Variants in HSPA4 observed in about 807,000 individuals in gnomAD.
The protein encoded by HSPA4 is heat shock protein family A (Hsp70) member 4, also known as heat shock 70 kDa protein 4.
Under a neutral mutation model 106.2 loss-of-function variants are expected in HSPA4, and 25 were observed. The observed-to-expected ratio is 0.24, with a 90% CI of 0.17 to 0.33. The LOEUF (loss-of-function observed/expected upper bound fraction) is 0.33. Ranked by LOEUF, HSPA4 falls within the 10% of genes least tolerant of loss-of-function variation. The probability of loss-of-function intolerance (pLI) is 1.00; values close to 1 mark genes in which losing one functional copy is unlikely to be tolerated. For synonymous variants in HSPA4, 332 were observed against 333.6 expected (o/e 1.00, Z 0.05); for missense variants, 841 against 996.0 (o/e 0.84, Z 2.10).
intron 14 of HSPA4, among the ~76,000 whole-genome samples, chr5:133,096,719 T>C (rs904049574): frequency 2.6e-5 from 4 of 152,198 alleles, no homozygotes; most frequent in African/African-American, 7.2e-5. Context: ...GTGAGCACAT[T>C]TATTGAATTA....
chr5:133,080,262 A>G (rs1765497656), intron 7 of HSPA4, among the ~76,000 whole-genome samples: 2 of 151,816 alleles, frequency 1.3e-5, no homozygotes, highest in Admixed American at 1.3e-4. Context: ...AAAAATACAA[A>G]AAAGTAGCTT....
At position 133,105,976 on chromosome 5, in the gene HSPA4, C is replaced by T. The variant is rs1334436280; in HGVS notation, c.*1540C>T. The T allele has an allele frequency of 6.6e-6, 1 of 151,766 alleles. No individual in the cohort carries two copies. Among genetic ancestry groups the T allele is most frequent in the Non-Finnish European group, 1.5e-5 (1 of 68,008 alleles). 9.4% of individuals were successfully genotyped at this position (151,766 alleles called of 1,614,324 possible). On this transcript the variant is annotated 3_prime_UTR_variant, in exon 19 of 19. Coordinates refer to ENST00000304858, the MANE Select transcript of HSPA4 (RefSeq NM_002154.4). ...CATCCTCTGTTCTCTACCTGTCATG[C>T]TTCAAGAGTTCCAGCTGGCCTGCTG...
At chr5:133,071,284 CAAAAAAAA>C (rs755520266) in intron 4 of HSPA4, among the ~76,000 whole-genome samples, 2 of 62,088 alleles carry the variant, frequency 3.2e-5, no homozygotes, top group Non-Finnish European at 6.2e-5. Flanking sequence ...CTGTCTTTAC[CAAAAAAAA>C]AAAAAAAAAA....
intron 7 of HSPA4, among the ~76,000 whole-genome samples, chr5:133,081,055 C>CTTTT (rs200241697): frequency 6.0e-5 from 9 of 149,296 alleles, no homozygotes; most frequent in African/African-American, 9.8e-5. Flanking sequence ...TTTGCCTGTT[C>CTTTT]TTTTTTTTTT....
At chr5:133,057,778 G>A (rs1765186359) in intron 1 of HSPA4, among the ~76,000 whole-genome samples, 1 of 152,214 alleles carries the variant, frequency 6.6e-6, no homozygotes, top group African/African-American at 2.4e-5. Context: ...CAGTCAAGCA[G>A]CAAATGTGTG....
chr5:133,065,123 T>C (rs912928619), intron 2 of HSPA4, 86 bp downstream of exon 2: 3 of 1,089,582 alleles, frequency 2.8e-6, no homozygotes, highest in African/African-American at 3.1e-5. Context: ...ATTATGTGCC[T>C]AACACTGGTA....
intron 3 of HSPA4, among the ~76,000 whole-genome samples, chr5:133,068,935 A>G (rs913758814): frequency 6.6e-6 from 1 of 152,212 alleles, no homozygotes; most frequent in Non-Finnish European, 1.5e-5. Flanking sequence ...TAATTTAGAA[A>G]GGGCACCAGG....
In HSPA4 at chr5:133,065,958, T is replaced by G. The variant is rs891791284; in HGVS notation, c.165+921T>G. 4.9e-4 allele frequency among the ~76,000 whole-genome samples: 75 copies of G among 152,330 alleles called. 1 individual carries two copies. Among genetic ancestry groups the G allele is most frequent in the African/African-American group, 1.8e-3 (75 of 41,578 alleles). ...TTTTGAATGGGGCAGGGCCTAAAATTTATTAGCCTAAAAAAGTGGTGCTTG... is the reference window on the plus strand; with the variant it reads ...TTTTGAATGGGGCAGGGCCTAAAATGTATTAGCCTAAAAAAGTGGTGCTTG... On this transcript the variant is annotated intron_variant, in intron 2 of 18. Transcript: ENST00000304858.
chr5:133,059,567 C>G (rs749428681), intron 1 of HSPA4, among the ~76,000 whole-genome samples: 3 of 151,358 alleles, frequency 2.0e-5, no homozygotes, highest in Non-Finnish European at 4.4e-5. Flanking sequence ...GAGCAGATAT[C>G]GAGCCACTGC....
chr5:133,088,620 T>C, intron 9 of HSPA4, 65 bp downstream of exon 9: 1 of 1,392,322 alleles, frequency 7.2e-7, no homozygotes, highest in Non-Finnish European at 1.0e-6. Flanking sequence ...CAGTGGTTTA[T>C]GTATCTAATA....
intron 17 of HSPA4, among the ~76,000 whole-genome samples, chr5:133,102,936 G>T (rs2126718674): frequency 2.8e-5 from 1 of 35,758 alleles, no homozygotes; most frequent in African/African-American, 2.6e-4. Flanking sequence ...TTTTTGAGAT[G>T]GCATTTCACC....
At chr5:133,081,642 A>AT (rs982359457) in intron 7 of HSPA4, among the ~76,000 whole-genome samples, 2 of 152,136 alleles carry the variant, frequency 1.3e-5, no homozygotes, top group African/African-American at 4.8e-5. Context: ...GGTCAATTAT[A>AT]TACCCTTTTG....
chr5:133,055,506 A>T (rs1454343515), intron 1 of HSPA4, among the ~76,000 whole-genome samples: 6 of 151,970 alleles, frequency 3.9e-5, no homozygotes, highest in Admixed American at 2.6e-4. Flanking sequence ...TAGGTTTTTG[A>T]GGAGCCAGTG....
intron 1 of HSPA4, 32 bp from the exon 2 acceptor site, chr5:133,064,948 T>C (rs1445084743): frequency 1.9e-6 from 3 of 1,589,594 alleles, no homozygotes; most frequent in Middle Eastern, 1.8e-4. Context: ...TGTAGTAAGA[T>C]TTAATTCTTA....
At chr5:133,062,153 A>G (rs1483879434) in intron 1 of HSPA4, among the ~76,000 whole-genome samples, 1 of 152,222 alleles carries the variant, frequency 6.6e-6, no homozygotes, top group African/African-American at 2.4e-5. Flanking sequence ...CTTAGGTTCC[A>G]TATTAAGGAA....
At chr5:133,101,697 A>G (rs1356933136) in intron 16 of HSPA4, 62 bp from the exon 17 acceptor site, 1 of 1,487,664 alleles carries the variant, frequency 6.7e-7, no homozygotes, top group Non-Finnish European at 9.2e-7. Flanking sequence ...CACTAGTTTT[A>G]GTGGAATCAG....
intron 1 of HSPA4, among the ~76,000 whole-genome samples, chr5:133,064,067 A>G (rs72801450): frequency 0.21 from 31,293 of 152,242 alleles, 3,414 homozygotes; most frequent in South Asian, 0.26. Flanking sequence ...TTTTAAGCGT[A>G]AGCACAGAGT....
chr5:133,080,437 A>AC lies in HSPA4; in HGVS notation c.908+3539_908+3540insC, dbSNP rs1320931731. On this transcript the variant is annotated intron_variant, in intron 7 of 18. Transcript: ENST00000304858. ...TGTCTCAAAAAAAAAAAAAAAAAAA[A>AC]AAAACCCAATAATTTTACTACACTA... Among the ~76,000 whole-genome samples the AC allele has an allele frequency of 7.9e-4, 119 of 150,980 alleles. 1 individual carries two copies. The highest frequency in any genetic ancestry group is 2.9e-3 in the African/African-American group (117 of 40,894).
chr5:133,096,313 C>T (rs1765711515), intron 14 of HSPA4, 63 bp downstream of exon 14: 1 of 1,455,890 alleles, frequency 6.9e-7, no homozygotes, highest in Non-Finnish European at 9.5e-7. Context: ...AGTATTCAGA[C>T]TCTGTGTCTA....
Sources: gnomAD v4.1 joint callset for allele counts (sites outside exome capture counted in the v4.1 genomes callset) on GRCh38, gnomAD v4.1.1 for gene constraint, MANE v1.5 for transcripts, NCBI Gene and HGNC (gene_info 2026-07-23, HGNC 2026-07-21) for gene names.